Variants in RERE observed in about 807,000 individuals in gnomAD.
RERE encodes the protein arginine-glutamic acid dipeptide repeats, also known as arginine-glutamic acid dipeptide repeats protein.
In RERE, 40 loss-of-function variants were observed where a neutral mutation model predicts 146.1. That is an observed-to-expected ratio of 0.27 (90% CI 0.21 to 0.36). The LOEUF (loss-of-function observed/expected upper bound fraction) is 0.36, where lower values mean the gene tolerates loss of function less well. RERE is among the 10% of genes least tolerant of loss of function. The pLI is 1.00. For missense variants in RERE, 1,933 were observed against 2,138.7 expected (o/e 0.90, Z 1.90); for synonymous variants, 1,003 against 866.0 (o/e 1.16, Z -2.78).
chr1:8,450,741 C>T (rs561571045), intron 11 of RERE, among the ~76,000 whole-genome samples: 144 of 152,298 alleles, frequency 9.5e-4, no homozygotes, highest in African/African-American at 3.3e-3. Context: ...CATGCCCATC[C>T]GGGTTCCCCC....
rs1639758281 is a variant in RERE, at chr1:8,716,051, G to T, written c.-144-59610C>A. On this transcript the variant is annotated intron_variant, in intron 1 of 22. Coordinates refer to ENST00000400908, the MANE Select transcript of RERE (RefSeq NM_001042681.2). ...TCTCAGCTACTTGGGAGACTGAGGC[G>T]GGAGGATCCCTTCAGCCATGGAGGG... Among the ~76,000 whole-genome samples, 2 of 151,642 alleles carry T rather than the reference G, an allele frequency of 1.3e-5. 1 individual carries two copies. Among genetic ancestry groups the T allele is most frequent in the South Asian group, 4.2e-4 (2 of 4,776 alleles).
At chr1:8,526,043 A>G in intron 7 of RERE, 1 of 1,217,200 alleles carries the variant, frequency 8.2e-7, no homozygotes, top group Middle Eastern at 3.2e-4. Flanking sequence ...ATCAATCTCA[A>G]CCCTGCTGTT....
chr1:8,802,711 T>TC lies in RERE; in HGVS notation c.-145+14448dup, dbSNP rs573005249. ...ATCTTTCCCATTAATGAGAAAATCA[T>TC]CATGGGCACAATCTCTGTCTTGGTC... On this transcript the variant is annotated intron_variant, in intron 1 of 22. Transcript: ENST00000400908. Among the ~76,000 whole-genome samples the TC allele has an allele frequency of 6.6e-4, 100 of 152,338 alleles. 1 individual carries two copies. The South Asian group carries it at 0.011, about 17-fold the overall frequency.
chr1:8,543,674 G>A (rs1055596074), intron 6 of RERE, among the ~76,000 whole-genome samples: 2 of 152,140 alleles, frequency 1.3e-5, no homozygotes, highest in African/African-American at 4.8e-5. Flanking sequence ...GTACATTGTA[G>A]GATATTTAAG....
At chr1:8,444,908 CTTTT>C (rs1468736840) in intron 11 of RERE, among the ~76,000 whole-genome samples, 1 of 147,778 alleles carries the variant, frequency 6.8e-6, no homozygotes, top group Admixed American at 6.7e-5. Context: ...AATTAAACCT[CTTTT>C]CTTTATTTAA....
chr1:8,639,471 C>T lies in RERE; in HGVS notation c.326-15091G>A, dbSNP rs570151374. The stretch of plus-strand genomic sequence containing the variant: ...GGTTTATAACCCTGAAAGATAGCTC[C>T]GAGTTTTTCTCCAACCAAATATCTT... On this transcript the variant is annotated intron_variant, in intron 2 of 22. Coordinates refer to ENST00000400908, the MANE Select transcript of RERE (RefSeq NM_001042681.2). Among the ~76,000 whole-genome samples, 12 of 152,252 alleles carry T rather than the reference C, an allele frequency of 7.9e-5. 1 individual carries two copies. Among genetic ancestry groups the T allele is most frequent in the African/African-American group, 2.4e-4 (10 of 41,530 alleles).
chr1:8,545,982 C>CTTTTTTTTTT lies in RERE; in HGVS notation c.726-4674_726-4665dup, dbSNP rs3050828. On this transcript the variant is annotated intron_variant, in intron 6 of 22. Transcript: ENST00000400908. ...ACAGGTGCAAGCTACCATACCCAGT[C>CTTTTTTTTTT]TTTTTTTTTTTTTTTTTTTTTTTTT... Among the ~76,000 whole-genome samples, 178 of 69,476 alleles carry CTTTTTTTTTT rather than the reference C, an allele frequency of 2.6e-3. 23 individuals are homozygous for CTTTTTTTTTT. The highest frequency in any genetic ancestry group is 6.3e-3 in the African/African-American group (105 of 16,696). 45.6% of individuals were successfully genotyped at this position (69,476 alleles called of 152,430 possible).
chr1:8,597,476 C>T (rs1287595977), intron 4 of RERE, among the ~76,000 whole-genome samples: 2 of 152,024 alleles, frequency 1.3e-5, no homozygotes, highest in East Asian at 1.9e-4. Context: ...GAAATGATAA[C>T]CCACACAATA....
In RERE at chr1:8,352,624, A is replaced by C. The variant is rs1033122748; in HGVS notation, c.*2463T>G. 1.3e-5 allele frequency: 2 copies of C among 152,334 alleles called. No individual in the cohort carries two copies. The highest frequency in any genetic ancestry group is 2.9e-5 in the Non-Finnish European group (2 of 68,038). The allele number at this position is 152,334 out of a possible 1,614,324, so 9.4% of individuals were successfully genotyped here. ...CTCTGCCGCAGTGGAGTGAAGCTCA[A>C]CCTCGAGGACACCGAACAAGATACG... On this transcript the variant is annotated 3_prime_UTR_variant, in exon 23 of 23. Coordinates refer to ENST00000400908, the MANE Select transcript of RERE (RefSeq NM_001042681.2).
intron 1 of RERE, among the ~76,000 whole-genome samples, chr1:8,770,685 C>T (rs1411520100): frequency 6.6e-6 from 1 of 152,128 alleles, no homozygotes; most frequent in Non-Finnish European, 1.5e-5. Flanking sequence ...AATGTACTGC[C>T]CAAAATTGGT....
intron 1 of RERE, among the ~76,000 whole-genome samples, chr1:8,728,668 C>CA (rs1403133702): frequency 6.6e-6 from 1 of 152,078 alleles, no homozygotes; most frequent in Non-Finnish European, 1.5e-5. Flanking sequence ...AAGCATCCCT[C>CA]AAAAAAGAAA....
At chr1:8,376,547 C>T (rs1339593685) in intron 12 of RERE, among the ~76,000 whole-genome samples, 1 of 152,204 alleles carries the variant, frequency 6.6e-6, no homozygotes, top group Non-Finnish European at 1.5e-5. Flanking sequence ...CAACCATGAA[C>T]CCTCCCCACC....
intron 1 of RERE, among the ~76,000 whole-genome samples, chr1:8,736,161 C>T (rs1023112631): frequency 4.0e-5 from 6 of 150,866 alleles, no homozygotes; most frequent in Non-Finnish European, 7.4e-5. Context: ...ATCATAATTC[C>T]TGCAATTGTT....
At position 8,784,513 on chromosome 1, in the gene RERE, G is replaced by C. The variant is rs534706951; in HGVS notation, c.-145+32647C>G. ...TGTATTCTAAACATCTATAAACTAT[G>C]CCTGGCAGATAGTAGCTGTTCAATA... On this transcript the variant is annotated intron_variant, in intron 1 of 22. Coordinates refer to ENST00000400908, the MANE Select transcript of RERE (RefSeq NM_001042681.2). Among the ~76,000 whole-genome samples, 31 of 151,738 alleles carry C rather than the reference G, an allele frequency of 2.0e-4. No individual in the cohort carries two copies. The East Asian group carries it at 5.0e-3, about 25-fold the overall frequency.
intron 10 of RERE, among the ~76,000 whole-genome samples, chr1:8,487,408 G>A (rs745987200): frequency 7.9e-5 from 12 of 151,976 alleles, no homozygotes; most frequent in Non-Finnish European, 1.5e-4. Flanking sequence ...GTGAGACCCC[G>A]TCACTACAAA....
At chr1:8,519,083 ATTTTAGTATCAG>A (rs1442486308) in intron 7 of RERE, among the ~76,000 whole-genome samples, 1 of 152,182 alleles carries the variant, frequency 6.6e-6, no homozygotes, top group Non-Finnish European at 1.5e-5. Context: ...CTGAATTAAA[ATTTTAGTATCAG>A]GCCAGGCATG....
intron 1 of RERE, among the ~76,000 whole-genome samples, chr1:8,772,154 T>G (rs1220168351): frequency 3.3e-5 from 5 of 152,040 alleles, no homozygotes; most frequent in Non-Finnish European, 7.4e-5. Context: ...ACAGCTGTTA[T>G]CTCTATAAAC....
intron 7 of RERE, among the ~76,000 whole-genome samples, chr1:8,511,304 A>T (rs1285104640): frequency 1.3e-5 from 2 of 152,232 alleles, no homozygotes; most frequent in Admixed American, 1.3e-4. Context: ...GAAGAGTACT[A>T]ATAAGTAGGC....
At chr1:8,732,285 G>A (rs920885176) in intron 1 of RERE, among the ~76,000 whole-genome samples, 6 of 152,116 alleles carry the variant, frequency 3.9e-5, no homozygotes, top group Admixed American at 1.3e-4. Context: ...ATAGATATGC[G>A]AACTGTGGTG....
Sources: allele counts gnomAD v4.1 joint callset (sites outside exome capture counted in the v4.1 genomes callset), GRCh38; gene constraint gnomAD v4.1.1; transcripts MANE v1.5; gene names NCBI Gene and HGNC (gene_info 2026-07-23, HGNC 2026-07-21).